Variants in DYRK1A observed in about 807,000 individuals in gnomAD.
DYRK1A encodes the protein dual specificity tyrosine phosphorylation regulated kinase 1A, also known as dual specificity tyrosine-phosphorylation-regulated kinase 1A.
DYRK1A carries 9 observed loss-of-function variants against 79.7 expected under a neutral mutation model. The observed-to-expected ratio is 0.11, with a 90% CI of 0.07 to 0.20. The LOEUF is 0.20. Ranked by LOEUF, DYRK1A falls within the 10% of genes least tolerant of loss-of-function variation. The pLI is 1.00. For missense variants in DYRK1A, 622 were observed against 956.0 expected, an observed-to-expected ratio of 0.65 and a Z score of 4.61; for synonymous variants, 349 against 329.7, an observed-to-expected ratio of 1.06 and a Z score of -0.63.
chr21:37,436,572 G>A (rs562628957), intron 2 of DYRK1A, among the ~76,000 whole-genome samples: 8 of 152,226 alleles, frequency 5.3e-5, no homozygotes, highest in African/African-American at 1.7e-4. Context: ...ATTGAAACAC[G>A]GATGCCAAAA....
At chr21:37,475,521 T>C (rs867134197) in intron 3 of DYRK1A, among the ~76,000 whole-genome samples, 1 of 152,238 alleles carries the variant, frequency 6.6e-6, no homozygotes, top group Non-Finnish European at 1.5e-5. Flanking sequence ...AAAAATTGGT[T>C]AATATGAAAT....
intron 2 of DYRK1A, among the ~76,000 whole-genome samples, chr21:37,453,413 G>A (rs950768674): frequency 7.9e-5 from 12 of 152,108 alleles, no homozygotes; most frequent in African/African-American, 2.9e-4. Flanking sequence ...AGAGGAAGAT[G>A]AGTTGGTTGT....
intron 2 of DYRK1A, among the ~76,000 whole-genome samples, chr21:37,431,971 C>T (rs960278046): frequency 4.6e-5 from 7 of 152,072 alleles, no homozygotes. Context: ...ATTTTGTTGT[C>T]TGGATAAGTA....
intron 9 of DYRK1A, among the ~76,000 whole-genome samples, chr21:37,500,341 T>C (rs1169682491): frequency 6.6e-6 from 1 of 152,246 alleles, no homozygotes; most frequent in Non-Finnish European, 1.5e-5. Flanking sequence ...TGATATACTA[T>C]TCCCTTATAT....
intron 5 of DYRK1A, among the ~76,000 whole-genome samples, chr21:37,485,632 A>G (rs2052831265): frequency 6.6e-6 from 1 of 152,248 alleles, no homozygotes; most frequent in South Asian, 2.1e-4. Context: ...CAGACAATGT[A>G]TAATATTATA....
intron 4 of DYRK1A, among the ~76,000 whole-genome samples, chr21:37,480,027 G>A (rs375532362): frequency 1.1e-4 from 16 of 152,016 alleles, no homozygotes; most frequent in African/African-American, 3.9e-4. Context: ...TTCATTAATC[G>A]TTATATTTTT....
chr21:37,514,066 C>G lies in DYRK1A; in HGVS notation c.*1535C>G, dbSNP rs2053834696. ...ACATCTGTTACATTCTAAGTGTGTT[C>G]AGGCTTCTGAAGGTAAAGGGACACT... On this transcript the variant is annotated 3_prime_UTR_variant, in exon 12 of 12. Transcript: ENST00000647188. The G allele has an allele frequency of 6.5e-6, 1 of 152,724 alleles. No individual in the cohort carries two copies. 9.5% of individuals were successfully genotyped at this position (152,724 alleles called of 1,614,324 possible). A position where few individuals can be genotyped will look rare whatever the true frequency, so the allele number is the denominator to read the frequency against.
chr21:37,417,288 T>G (rs1425537830), intron 1 of DYRK1A, among the ~76,000 whole-genome samples: 1 of 152,026 alleles, frequency 6.6e-6, no homozygotes, highest in Non-Finnish European at 1.5e-5. Flanking sequence ...CCTCCTGATT[T>G]CAAGCAATTC....
chr21:37,500,228 T>G (rs1280259459), intron 9 of DYRK1A, among the ~76,000 whole-genome samples: 1 of 152,214 alleles, frequency 6.6e-6, no homozygotes, highest in African/African-American at 2.4e-5. Flanking sequence ...ATGTTTTTTC[T>G]GCACGTATAG....
At chr21:37,484,329 C>CTTTTT (rs35615588) in intron 5 of DYRK1A, among the ~76,000 whole-genome samples, 1 of 134,076 alleles carries the variant, frequency 7.5e-6, no homozygotes, top group Non-Finnish European at 1.6e-5. Flanking sequence ...CAATAGGTCC[C>CTTTTT]TTTTTTTTTT....
At chr21:37,511,311 A>G (rs1446437173) in intron 11 of DYRK1A, among the ~76,000 whole-genome samples, 7 of 152,226 alleles carry the variant, frequency 4.6e-5, no homozygotes, top group Non-Finnish European at 1.0e-4. Flanking sequence ...TGTGTTAAGA[A>G]AAGATTGTTC....
intron 1 of DYRK1A, chr21:37,419,968 C>A (rs2050432611): frequency 6.4e-6 from 1 of 155,380 alleles, no homozygotes; most frequent in African/African-American, 2.4e-5. Flanking sequence ...ATGAAAATTA[C>A]AAAATGTGGA....
intron 2 of DYRK1A, among the ~76,000 whole-genome samples, chr21:37,472,125 T>A (rs943670591): frequency 2.6e-5 from 4 of 152,162 alleles, no homozygotes; most frequent in Admixed American, 2.0e-4. Context: ...TCCAACGACC[T>A]TGGGTTGAGA....
At chr21:37,504,739 G>C (rs770800015) in intron 9 of DYRK1A, 1 of 152,494 alleles carries the variant, frequency 6.6e-6, no homozygotes, top group African/African-American at 2.4e-5. Flanking sequence ...TGAGCAGGTA[G>C]GGTTAGGCCA....
chr21:37,400,973 GTC>G (rs1288154140), intron 1 of DYRK1A, among the ~76,000 whole-genome samples: 1 of 151,990 alleles, frequency 6.6e-6, no homozygotes, highest in Non-Finnish European at 1.5e-5. Context: ...ATGAGACCCT[GTC>G]TCTACTAAAA....
chr21:37,492,136 G>T (rs1023580065), intron 7 of DYRK1A, among the ~76,000 whole-genome samples: 10 of 152,216 alleles, frequency 6.6e-5, no homozygotes, highest in Admixed American at 6.5e-5. Context: ...CCATGGAAAT[G>T]TAATACTTCT....
At chr21:37,385,250 T>C (rs1364943439) in intron 1 of DYRK1A, among the ~76,000 whole-genome samples, 1 of 152,200 alleles carries the variant, frequency 6.6e-6, no homozygotes, top group African/African-American at 2.4e-5. Context: ...TTATCTCAGT[T>C]TCTGTGGGTC....
intron 3 of DYRK1A, among the ~76,000 whole-genome samples, chr21:37,477,758 C>T (rs2052452618): frequency 6.6e-6 from 1 of 152,098 alleles, no homozygotes; most frequent in Non-Finnish European, 1.5e-5. Context: ...GTCCTGAAAT[C>T]CTATGTTAAG....
intron 9 of DYRK1A, among the ~76,000 whole-genome samples, chr21:37,496,922 C>G (rs910571973): frequency 5.3e-5 from 8 of 151,950 alleles, no homozygotes; most frequent in Non-Finnish European, 2.9e-5. Context: ...TAAATGATGC[C>G]AATTTTGCAT....
Sources: allele counts gnomAD v4.1 joint callset (sites outside exome capture counted in the v4.1 genomes callset), GRCh38; gene constraint gnomAD v4.1.1; transcripts MANE v1.5; gene names NCBI Gene and HGNC (gene_info 2026-07-23, HGNC 2026-07-21).